Variants in ENG observed in about 807,000 individuals in gnomAD.
ENG encodes endoglin, also known as CD105 antigen.
In ENG, 17 loss-of-function variants were observed where a neutral mutation model predicts 71.0. The ratio of observed to expected loss-of-function variants is 0.24; its 90% CI spans 0.16 to 0.36. The LOEUF is 0.36. ENG is among the 10% of genes least tolerant of loss of function. The pLI is 1.00. For synonymous variants in ENG, 360 were observed against 366.9 expected, an observed-to-expected ratio of 0.98 and a Z score of 0.21; for missense variants, 749 against 868.3, an observed-to-expected ratio of 0.86 and a Z score of 1.73.
chr9:127,826,547 C>A lies in ENG; in HGVS notation c.486G>T (p.Leu162=). 1 of 1,614,074 alleles carries A rather than the reference C, an allele frequency of 6.2e-7. No homozygotes were observed. Among genetic ancestry groups the A allele is most frequent in the Non-Finnish European group, 8.5e-7 (1 of 1,179,994 alleles). The part of the protein sequence containing the change: ...ERGPITSAAE[L]NDPQSILLRL... ...GGAGGAGGATGCTCTGGGGGTCATTCAGCTCAGCAGCAGAGGTGATGGGGC... is the reference window on the plus strand; with the variant it reads ...GGAGGAGGATGCTCTGGGGGTCATTAAGCTCAGCAGCAGAGGTGATGGGGC... The change falls in exon 4 of 15, where the codon CTG becomes CTT. Residue 162 remains leucine (L), a synonymous_variant. Transcript: ENST00000373203.
intron 11 of ENG, 111 bp downstream of exon 11, chr9:127,818,605 C>G: frequency 7.1e-7 from 1 of 1,416,308 alleles, no homozygotes; most frequent in Non-Finnish European, 1.0e-6. Context: ...CCCAGGCTGT[C>G]TCCCTCCTGA....
rs549492179 is a variant in ENG, at chr9:127,816,436, A to T, written c.1742-383T>A. On this transcript the variant is annotated intron_variant, in intron 13 of 14. Coordinates refer to ENST00000373203, the MANE Select transcript of ENG (RefSeq NM_001114753.3). ...CCCCTCTCTGAGGCCTTTAGCAGGTAGAGAATGGGCCAGAGCAGCTCCGAG... is the reference window on the plus strand; with the variant it reads ...CCCCTCTCTGAGGCCTTTAGCAGGTTGAGAATGGGCCAGAGCAGCTCCGAG... 2.7e-3 allele frequency: 1,000 copies of T among 371,158 alleles called. 11 individuals carry two copies. Among genetic ancestry groups the T allele is most frequent in the Non-Finnish European group, 2.3e-3 (435 of 192,006 alleles). 23.0% of individuals were successfully genotyped at this position (371,158 alleles called of 1,614,324 possible).
intron 3 of ENG, among the ~76,000 whole-genome samples, chr9:127,828,710 C>T (rs1173959237): frequency 6.6e-6 from 1 of 152,136 alleles, no homozygotes; most frequent in African/African-American, 2.4e-5. Context: ...CCTCCTAGGA[C>T]TTTGGCATGC....
intron 2 of ENG, among the ~76,000 whole-genome samples, chr9:127,842,573 C>T (rs1372243414): frequency 5.3e-5 from 8 of 152,004 alleles, no homozygotes; most frequent in African/African-American, 1.9e-4. Flanking sequence ...TACAGGCGCT[C>T]ACCACCACGC....
chr9:127,847,560 C>A (rs41499549), intron 1 of ENG, among the ~76,000 whole-genome samples: 3 of 152,092 alleles, frequency 2.0e-5, no homozygotes, highest in South Asian at 2.1e-4. Context: ...CAGGTTCAAG[C>A]GATTCTCATG....
At position 127,854,531 on chromosome 9, in the gene ENG, G is replaced by T; in HGVS notation, c.-176C>A. ...GGCGGCCGAGGGGTCAGGAGAAGTG[G>T]ACACAGGGACGCGGGGCTGGGCTGG... On this transcript the variant is annotated 5_prime_UTR_variant, in exon 1 of 15. Coordinates refer to ENST00000373203, the MANE Select transcript of ENG (RefSeq NM_001114753.3). 1 of 625,842 alleles carries T rather than the reference G, an allele frequency of 1.6e-6. No homozygotes were observed. Among genetic ancestry groups the T allele is most frequent in the East Asian group, 2.9e-5 (1 of 34,624 alleles). The allele number at this position is 625,842 out of a possible 1,614,324, so 38.8% of individuals were successfully genotyped here. A position where few individuals can be genotyped will look rare whatever the true frequency, so the allele number is the denominator to read the frequency against.
intron 3 of ENG, among the ~76,000 whole-genome samples, chr9:127,828,214 G>C (rs1830671826): frequency 6.6e-6 from 1 of 152,132 alleles, no homozygotes; most frequent in South Asian, 2.1e-4. Context: ...TTCAACAAGG[G>C]GGCAAAGTGA....
intron 13 of ENG, chr9:127,816,907 C>T: frequency 1.7e-6 from 1 of 588,980 alleles, no homozygotes; most frequent in East Asian, 2.9e-5. Flanking sequence ...GGGCAGAGGC[C>T]TAGACTCCCA....
chr9:127,825,126 G>A, intron 6 of ENG, 105 bp downstream of exon 6: 2 of 1,606,118 alleles, frequency 1.2e-6, no homozygotes, highest in Non-Finnish European at 1.7e-6. Flanking sequence ...GGGCATAGGT[G>A]ATTTGTCCTT....
At chr9:127,853,669 A>G (rs902840689) in intron 1 of ENG, among the ~76,000 whole-genome samples, 5 of 152,216 alleles carry the variant, frequency 3.3e-5, no homozygotes, top group Non-Finnish European at 7.3e-5. Context: ...GAGCTGCCCA[A>G]AGGCCCTGGG....
At position 127,815,705 on chromosome 9, in the gene ENG, AG is replaced by A; in HGVS notation, c.1953del (p.Cys652AlafsTer20). The A allele has an allele frequency of 6.4e-7, 1 of 1,564,080 alleles. No individual in the cohort carries two copies. ...NHSIGSTQST[P>X]CSTSSMA ...GGCTATGCCATGCTGCTGGTGGAGC[AG>A]GGGGTGCTCTGGGTGCTCCCGATGC... On this transcript the variant is annotated frameshift_variant, in exon 15 of 15. Transcript: ENST00000373203. LOFTEE classifies it high-confidence loss of function.
In ENG at chr9:127,846,765, C is replaced by T. The variant is rs1047128715; in HGVS notation, c.68-3520G>A. 7.9e-5 allele frequency among the ~76,000 whole-genome samples: 12 copies of T among 152,122 alleles called. No individual in the cohort carries two copies. Among genetic ancestry groups the T allele is most frequent in the African/African-American group, 2.9e-4 (12 of 41,414 alleles). On this transcript the variant is annotated intron_variant, in intron 1 of 14. Coordinates refer to ENST00000373203, the MANE Select transcript of ENG (RefSeq NM_001114753.3). The surrounding 1 kb of genome is among the most constrained non-coding windows in gnomAD (Gnocchi z 5.5). ...CCAAGTTGAAAACAATCCCCTGGCA[C>T]CAAGGGAAACGCCAGGGCCTCCCGG...
Position 127,825,938 on chromosome 9 carries a change from A to C in ENG, c.524-78T>G, listed in dbSNP as rs988155061. On this transcript the variant is annotated intron_variant, in intron 4 of 14. Transcript: ENST00000373203. The stretch of plus-strand genomic sequence containing the variant: ...AGAGCCCCGCCCTCACCCACAGCCA[A>C]AGATAGTGGTGGGGCAGGCAGGACG... The C allele has an allele frequency of 1.1e-4, 161 of 1,529,786 alleles. 1 individual carries two copies. In the African/African-American group the frequency reaches 2.2e-3, roughly 21 times the overall value. 94.8% of individuals were successfully genotyped at this position (1,529,786 alleles called of 1,614,324 possible).
chr9:127,837,223 C>G (rs1225661501), intron 2 of ENG, among the ~76,000 whole-genome samples: 1 of 152,170 alleles, frequency 6.6e-6, no homozygotes, highest in Non-Finnish European at 1.5e-5. Context: ...AATCTCTCAG[C>G]CATGCCTCGC....
intron 2 of ENG, among the ~76,000 whole-genome samples, chr9:127,834,217 C>T (rs376582543): frequency 6.6e-5 from 10 of 150,744 alleles, no homozygotes; most frequent in South Asian, 2.1e-4. Context: ...GGACTACAGG[C>T]GTGCGCCACC....
rs1444744642 is a variant in ENG, at chr9:127,825,150, G to A, written c.816+81C>T. The A allele has an allele frequency of 1.9e-6, 3 of 1,611,790 alleles. No homozygotes were observed. The African/African-American group carries it at 4.0e-5, about 22-fold the overall frequency. On this transcript the variant is annotated intron_variant, in intron 6 of 14. Coordinates refer to ENST00000373203, the MANE Select transcript of ENG (RefSeq NM_001114753.3). ...TGATTTGTCCTTCAGCTCAGCTCGG[G>A]GGTTCACCTTTCCAGGAAACTTCCC...
At chr9:127,819,860 A>G (rs200046633) in intron 9 of ENG, 40 bp downstream of exon 9, 473 of 1,613,986 alleles carry the variant, frequency 2.9e-4, no homozygotes, top group Non-Finnish European at 3.8e-4. Context: ...GGGGGCACCA[A>G]CCAGGCTGGT....
rs932753322 is a variant in ENG, at chr9:127,839,491, G to A, written c.219+3603C>T. Among the ~76,000 whole-genome samples, 4 of 152,204 alleles carry A rather than the reference G, an allele frequency of 2.6e-5. No homozygotes were observed. The South Asian group carries it at 8.3e-4, about 31-fold the overall frequency. ...CAGGAGGAGGAAGGCCCAGCTCCAT[G>A]AGGCTGGACCTCAGCTTGCCCTGCT... On this transcript the variant is annotated intron_variant, in intron 2 of 14. Transcript: ENST00000373203.
rs989537576 is a variant in ENG, at chr9:127,819,623, C to T, written c.1310G>A (p.Arg437Gln). The stretch of plus-strand genomic sequence containing the variant: ...TTAGCACGTGACTGTCCATCTCACC[C>T]GCTGTGGTGATGAGCTCGACAGGAT... ...VNILSSSSPQRKKVHCLNMDS... is the reference protein window; with the variant it reads ...VNILSSSSPQQKKVHCLNMDS... Residue 437 changes from arginine (R) to glutamine (Q), a missense_variant and splice_region_variant, in exon 10 of 15, where the codon CGG becomes CAG. Transcript: ENST00000373203. 5.6e-6 allele frequency: 9 copies of T among 1,613,048 alleles called. No individual in the cohort carries two copies. The highest frequency in any genetic ancestry group is 1.7e-5 in the Admixed American group (1 of 59,912).
Sources: gnomAD v4.1 joint callset for allele counts (sites outside exome capture counted in the v4.1 genomes callset) on GRCh38, gnomAD v4.1.1 for gene constraint, Gnocchi (gnomAD v3.1) non-coding constraint, MANE v1.5 for transcripts, NCBI Gene and HGNC (gene_info 2026-07-23, HGNC 2026-07-21) for gene names.